The following ALG5 variants were observed in gnomAD, a reference collection of about 807,000 sequenced individuals.
ALG5 encodes dolichyl-phosphate beta-glucosyltransferase.
ALG5 carries 26 observed loss-of-function variants against 51.8 expected under a neutral mutation model. The ratio of observed to expected loss-of-function variants is 0.50; its 90% CI spans 0.37 to 0.70. The LOEUF (loss-of-function observed/expected upper bound fraction) is 0.70, where lower values mean the gene tolerates loss of function less well. Among genes scored for constraint, ALG5 ranks in the 30% least tolerant of loss-of-function variants. ALG5 has a pLI of 0.00. For synonymous variants in ALG5, 141 were observed against 136.1 expected (o/e 1.04, Z -0.25); for missense variants, 311 against 399.3 (o/e 0.78, Z 1.88).
chr13:36,976,372 G>C (rs2138807123), intron 6 of ALG5, among the ~76,000 whole-genome samples: 1 of 128,568 alleles, frequency 7.8e-6, no homozygotes, highest in South Asian at 2.5e-4. Context: ...GTTGCAGTGA[G>C]ACAAGATTGC....
chr13:36,966,718 T>C (rs2058895225), intron 7 of ALG5, among the ~76,000 whole-genome samples: 1 of 152,188 alleles, frequency 6.6e-6, no homozygotes, highest in Non-Finnish European at 1.5e-5. Context: ...GTTAAGGCAA[T>C]AGACTCAAGT....
intron 8 of ALG5, among the ~76,000 whole-genome samples, chr13:36,953,781 A>C (rs1052214686): frequency 1.3e-5 from 2 of 152,184 alleles, no homozygotes; most frequent in African/African-American, 4.8e-5. Context: ...ACCACTTACA[A>C]AAGTGGGTTG....
chr13:36,985,137 CT>C (rs777389767), intron 6 of ALG5, among the ~76,000 whole-genome samples: 4 of 151,636 alleles, frequency 2.6e-5, no homozygotes, highest in African/African-American at 4.8e-5. Context: ...CTCTAAATGG[CT>C]TTTAAAAGGT....
At chr13:36,978,094 G>C (rs2058962236) in intron 6 of ALG5, among the ~76,000 whole-genome samples, 1 of 150,862 alleles carries the variant, frequency 6.6e-6, no homozygotes, top group African/African-American at 2.4e-5. Context: ...CACCATGTTA[G>C]CCAGGATGGT....
At chr13:36,990,061 C>T (rs1169471913) in intron 4 of ALG5, among the ~76,000 whole-genome samples, 1 of 152,216 alleles carries the variant, frequency 6.6e-6, no homozygotes, top group East Asian at 1.9e-4. Flanking sequence ...AAATTCCTCT[C>T]TCTCAGCAGT....
In ALG5 at chr13:36,980,828, G is replaced by A. The variant is rs1019620773; in HGVS notation, c.561+4799C>T. On this transcript the variant is annotated intron_variant, in intron 6 of 9. Transcript: ENST00000239891. ...TCTCTACCAAAAAACACAAAAAATAGCCTGGCGTGGTGGTGCGTGCCTGTA... is the reference window on the plus strand; with the variant it reads ...TCTCTACCAAAAAACACAAAAAATAACCTGGCGTGGTGGTGCGTGCCTGTA... 3.3e-5 allele frequency among the ~76,000 whole-genome samples: 5 copies of A among 152,008 alleles called. No individual in the cohort carries two copies. In the East Asian group the frequency reaches 9.7e-4, roughly 30 times the overall value.
At chr13:36,951,952 C>G (rs2058819888) in intron 9 of ALG5, among the ~76,000 whole-genome samples, 1 of 152,088 alleles carries the variant, frequency 6.6e-6, no homozygotes, top group African/African-American at 2.4e-5. Context: ...GCCCGGCCAT[C>G]TTTTTGTATT....
chr13:36,967,316 G>C (rs1302169921), intron 7 of ALG5, among the ~76,000 whole-genome samples: 1 of 152,092 alleles, frequency 6.6e-6, no homozygotes. Flanking sequence ...AATTAGCAGG[G>C]TGACCTTCAA....
intron 8 of ALG5, among the ~76,000 whole-genome samples, chr13:36,956,578 A>G (rs545793127): frequency 1.3e-5 from 2 of 152,328 alleles, no homozygotes; most frequent in East Asian, 3.9e-4. Flanking sequence ...CAATCAACCT[A>G]AGGGTCTGTC....
chr13:36,998,477 G>A (rs1566070287), intron 1 of ALG5, among the ~76,000 whole-genome samples: 1 of 152,166 alleles, frequency 6.6e-6, no homozygotes, highest in Non-Finnish European at 1.5e-5. Context: ...ACTAACTAGA[G>A]GGCAGGCTCA....
At chr13:36,964,869 G>A (rs1292393334) in intron 8 of ALG5, among the ~76,000 whole-genome samples, 1 of 148,964 alleles carries the variant, frequency 6.7e-6, no homozygotes, top group African/African-American at 2.5e-5. Context: ...AGGTTGCAGT[G>A]AGCTGAAATC....
intron 6 of ALG5, among the ~76,000 whole-genome samples, chr13:36,974,604 T>C (rs2058941316): frequency 6.6e-6 from 1 of 152,108 alleles, no homozygotes; most frequent in Admixed American, 6.6e-5. Context: ...TTATTATGGG[T>C]ATTTTCAAAC....
In ALG5 at chr13:36,990,258, C is replaced by T. The variant is rs143662748; in HGVS notation, c.355-682G>A. Among the ~76,000 whole-genome samples the T allele has an allele frequency of 1.0e-3, 152 of 152,316 alleles. 2 individuals carry two copies. The South Asian group carries it at 0.023, about 23-fold the overall frequency. ...TATTTGCCACCTGCATTTCATCACC[C>T]ATTTATTTTTCGGTCCACTGTAGTA... On this transcript the variant is annotated intron_variant, in intron 4 of 9. Transcript: ENST00000239891.
chr13:36,958,186 C>T (rs1190182806), intron 8 of ALG5, among the ~76,000 whole-genome samples: 1 of 152,024 alleles, frequency 6.6e-6, no homozygotes, highest in Non-Finnish European at 1.5e-5. Flanking sequence ...TACCCCCTTT[C>T]ACTCTCACCG....
chr13:36,968,350 T>G (rs535633645), intron 7 of ALG5, among the ~76,000 whole-genome samples: 37 of 152,316 alleles, frequency 2.4e-4, no homozygotes, highest in African/African-American at 8.9e-4. Context: ...AAAGGTGACT[T>G]CTAATTTCAT....
intron 8 of ALG5, among the ~76,000 whole-genome samples, chr13:36,960,731 TC>T (rs2058862471): frequency 6.6e-6 from 1 of 150,522 alleles, no homozygotes; most frequent in Non-Finnish European, 1.5e-5. Flanking sequence ...AATCTCCACC[TC>T]CCGGGTTCAA....
intron 7 of ALG5, 103 bp from the exon 8 acceptor site, chr13:36,965,829 G>T: frequency 2.1e-6 from 2 of 971,034 alleles, no homozygotes; most frequent in Non-Finnish European, 3.0e-6. Context: ...TTAATTGACT[G>T]GTAGATCTTA....
At chr13:36,989,757 T>C (rs1249768043) in intron 4 of ALG5, among the ~76,000 whole-genome samples, 181 bp from the exon 5 acceptor site, 1 of 152,204 alleles carries the variant, frequency 6.6e-6, no homozygotes. Context: ...GCCATTGACC[T>C]ACTAGGTTGA....
chr13:36,955,849 G>C (rs1315327587), intron 8 of ALG5, among the ~76,000 whole-genome samples: 2 of 151,986 alleles, frequency 1.3e-5, no homozygotes, highest in Non-Finnish European at 2.9e-5. Context: ...CCTCAACATG[G>C]ATTAAAGACT....
Sources: gnomAD v4.1 joint callset for allele counts (sites outside exome capture counted in the v4.1 genomes callset) on GRCh38, gnomAD v4.1.1 for gene constraint, MANE v1.5 for transcripts, NCBI Gene and HGNC (gene_info 2026-07-23, HGNC 2026-07-21) for gene names.